Variants in DMD observed in about 807,000 individuals in gnomAD.
DMD encodes the protein mutant dystrophin.
Under a neutral mutation model 330.1 loss-of-function variants are expected in DMD, and 63 were observed. The observed-to-expected ratio is 0.19, with a 90% CI of 0.16 to 0.24. DMD has a LOEUF of 0.24. Ranked by LOEUF, DMD falls within the 10% of genes least tolerant of loss-of-function variation. DMD has a pLI of 1.00. For synonymous variants in DMD, 1,223 were observed against 959.8 expected (o/e 1.27, Z -5.07); for missense variants, 3,344 against 2,684.1 (o/e 1.25, Z -5.43).
chrX:31,724,819 C>A (rs1261739783), intron 52 of DMD, among the ~76,000 whole-genome samples: 3 of 111,480 alleles, frequency 2.7e-5, no homozygotes, highest in Admixed American at 1.9e-4. Flanking sequence ...TATTATTAGC[C>A]CCACATGACA....
At chrX:31,328,511 A>G (rs2056919361) in intron 61 of DMD, among the ~76,000 whole-genome samples, 2 of 111,059 alleles carry the variant, frequency 1.8e-5, no homozygotes, top group South Asian at 7.6e-4. Context: ...GGCACTCAGG[A>G]TGTTGGCTTT....
At chrX:32,596,638 CG>C (rs1163483390) in intron 12 of DMD, among the ~76,000 whole-genome samples, 3 of 110,320 alleles carry the variant, frequency 2.7e-5, no homozygotes, top group Non-Finnish European at 5.7e-5. Context: ...CTCCACCTAC[CG>C]GGTTCAAGGG....
chrX:32,476,798 G>A (rs1472025756), intron 21 of DMD, among the ~76,000 whole-genome samples: 1 of 111,736 alleles, frequency 8.9e-6, no homozygotes, highest in Non-Finnish European at 1.9e-5. Context: ...TGAGATATCT[G>A]TAGATGCTGC....
rs536497128 is a variant in DMD at position 33,187,703 on chromosome X, T to C, written c.31+23579A>G. The stretch of plus-strand genomic sequence containing the variant: ...AAGAGCTTTTGAAATTTATTTCAGG[T>C]CTGGGAGTGATGATTTTGACTTAAT... On this transcript the variant is annotated intron_variant, in intron 1 of 78. Coordinates refer to ENST00000357033, the MANE Select transcript of DMD (RefSeq NM_004006.3). 2.6e-4 allele frequency among the ~76,000 whole-genome samples: 29 copies of C among 111,930 alleles called. No homozygotes were observed. In the South Asian group the frequency reaches 0.01, roughly 40 times the overall value.
intron 44 of DMD, among the ~76,000 whole-genome samples, chrX:32,104,067 A>G (rs2096552849): frequency 9.0e-6 from 1 of 111,181 alleles, no homozygotes; most frequent in Non-Finnish European, 1.9e-5. Flanking sequence ...TGGGATGGAC[A>G]ACAACTGAGG....
In DMD at chrX:32,880,603, A is replaced by G. The variant is rs1007648228; in HGVS notation, c.94-30783T>C. 1.7e-4 allele frequency among the ~76,000 whole-genome samples: 19 copies of G among 112,589 alleles called. No homozygotes were observed. The Admixed American group carries it at 1.7e-3, about 10-fold the overall frequency. On this transcript the variant is annotated intron_variant, in intron 2 of 78. Coordinates refer to ENST00000357033, the MANE Select transcript of DMD (RefSeq NM_004006.3). ...TTTCCCATTTATATGCCATCTCTTAACTACAGTGCCAGGTATATGGCAGAA... is the reference window on the plus strand; with the variant it reads ...TTTCCCATTTATATGCCATCTCTTAGCTACAGTGCCAGGTATATGGCAGAA...
intron 1 of DMD, among the ~76,000 whole-genome samples, chrX:33,139,324 A>G (rs1203137052): frequency 9.0e-6 from 1 of 110,932 alleles, no homozygotes; most frequent in Non-Finnish European, 1.9e-5. Flanking sequence ...CCATAATCTC[A>G]TATTGAAATG....
intron 11 of DMD, among the ~76,000 whole-genome samples, chrX:32,616,115 G>A (rs914772858): frequency 1.8e-5 from 2 of 110,930 alleles, no homozygotes; most frequent in Non-Finnish European, 3.8e-5. Flanking sequence ...AAAGACCACA[G>A]AAGTAATGGG....
intron 55 of DMD, among the ~76,000 whole-genome samples, chrX:31,525,689 A>T (rs2073190118): frequency 1.8e-5 from 2 of 112,002 alleles, no homozygotes; most frequent in South Asian, 3.7e-4. Context: ...TACCTCTGAA[A>T]TAAAAGCAAT....
At chrX:32,136,936 C>G (rs1178271026) in intron 44 of DMD, among the ~76,000 whole-genome samples, 1 of 110,573 alleles carries the variant, frequency 9.0e-6, no homozygotes, top group African/African-American at 3.3e-5. Context: ...GTGCAGCGCA[C>G]CAGCATGGCA....
At chrX:32,159,803 T>G (rs2096842697) in intron 44 of DMD, among the ~76,000 whole-genome samples, 1 of 111,823 alleles carries the variant, frequency 8.9e-6, no homozygotes. Flanking sequence ...GTTAAGTGGC[T>G]TATGTCTTTG....
At chrX:31,134,421 C>CTT (rs35286502) in intron 76 of DMD, among the ~76,000 whole-genome samples, 2 of 79,659 alleles carry the variant, frequency 2.5e-5, no homozygotes, top group Admixed American at 1.4e-4. Flanking sequence ...AACTGTATAT[C>CTT]TTTTTTTTTT....
intron 2 of DMD, among the ~76,000 whole-genome samples, chrX:32,904,481 G>C (rs1438065024): frequency 8.9e-6 from 1 of 112,040 alleles, no homozygotes; most frequent in Non-Finnish European, 1.9e-5. Flanking sequence ...AATTCAAGAA[G>C]GTTTTGAGCA....
At chrX:32,737,777 T>TAC (rs767854397) in intron 7 of DMD, among the ~76,000 whole-genome samples, 2 of 111,863 alleles carry the variant, frequency 1.8e-5, no homozygotes, top group Non-Finnish European at 3.8e-5. Flanking sequence ...TCTAATGCGT[T>TAC]ACATCAATAG....
chrX:31,373,512 G>A (rs1256221700), intron 60 of DMD, among the ~76,000 whole-genome samples: 2 of 103,888 alleles, frequency 1.9e-5, no homozygotes, highest in Non-Finnish European at 2.0e-5. Flanking sequence ...CAGAAATAAT[G>A]CCGCATATCT....
chrX:33,044,208 G>T (rs1264356451), intron 1 of DMD, among the ~76,000 whole-genome samples: 1 of 111,824 alleles, frequency 8.9e-6, no homozygotes, highest in Non-Finnish European at 1.9e-5. Flanking sequence ...GAGGCAGGTG[G>T]ATCACTTGAG....
rs373428963 is a variant in DMD, at chrX:32,362,858, A to G, written c.5255T>C (p.Leu1752Ser). 5.0e-6 allele frequency: 6 copies of G among 1,208,589 alleles called. No homozygotes were observed. The African/African-American group carries it at 8.8e-5, about 18-fold the overall frequency. Residue 1752 changes from leucine to serine, a missense_variant, in exon 37 of 79, where the codon TTA becomes TCA. By Grantham distance (145) the Leu-to-Ser change is moderately radical (BLOSUM62 -2). Transcript: ENST00000357033. ...GAGCTCTGAGATTTGGGGCTCTACTAATTTCCTGCAGTGGTCACCGCGGTT... is the reference window on the plus strand; with the variant it reads ...GAGCTCTGAGATTTGGGGCTCTACTGATTTCCTGCAGTGGTCACCGCGGTT... Reference protein sequence around the residue: ...MANRGDHCRKLVEPQISELNH... With the variant: ...MANRGDHCRKSVEPQISELNH...
chrX:32,748,672 C>G (rs1001694749), intron 7 of DMD, among the ~76,000 whole-genome samples: 1 of 111,878 alleles, frequency 8.9e-6, no homozygotes, highest in Non-Finnish European at 1.9e-5. Flanking sequence ...TATCAACATG[C>G]AAATTAAAAC....
intron 2 of DMD, among the ~76,000 whole-genome samples, chrX:32,925,738 A>C: frequency 8.9e-6 from 1 of 112,154 alleles, no homozygotes; most frequent in East Asian, 2.8e-4. Context: ...ATAACAATCT[A>C]AACTACTAAA....
Sources: gnomAD v4.1 joint callset for allele counts (sites outside exome capture counted in the v4.1 genomes callset) on GRCh38, gnomAD v4.1.1 for gene constraint, MANE v1.5 for transcripts, NCBI Gene and HGNC (gene_info 2026-07-23, HGNC 2026-07-21) for gene names.